The following NAV2 variants were observed in gnomAD, a reference collection of about 807,000 sequenced individuals.
NAV2 encodes neuron navigator 2.
NAV2 carries 54 observed loss-of-function variants against 223.2 expected under a neutral mutation model. That is an observed-to-expected ratio of 0.24 (90% CI 0.19 to 0.30). NAV2 has a LOEUF of 0.30. Among genes scored for constraint, NAV2 ranks in the 10% least tolerant of loss-of-function variants. The probability of loss-of-function intolerance (pLI) is 1.00; values close to 1 mark genes in which losing one functional copy is unlikely to be tolerated. For synonymous variants in NAV2, 1,279 were observed against 1,239.3 expected (o/e 1.03, Z -0.67); for missense variants, 2,806 against 3,147.5 (o/e 0.89, Z 2.60).
intron 8 of NAV2, 138 bp downstream of exon 8, chr11:19,939,911 C>CTT (rs11423145): frequency 0.041 from 14,751 of 357,488 alleles, 1 homozygote; most frequent in South Asian, 0.055. Context: ...AACTTTCTTT[C>CTT]TTTTTTTTTT....
chr11:19,601,172 T>A (rs1045676130), intron 1 of NAV2, among the ~76,000 whole-genome samples: 7 of 152,190 alleles, frequency 4.6e-5, no homozygotes, highest in Non-Finnish European at 1.5e-5. Flanking sequence ...GGCCCAGTGA[T>A]CCCTTCCTTC....
intron 1 of NAV2, among the ~76,000 whole-genome samples, chr11:19,395,609 C>T (rs868214338): frequency 3.9e-5 from 6 of 152,344 alleles, no homozygotes; most frequent in African/African-American, 1.2e-4. Context: ...GTCCTCAGGA[C>T]AGAGGAAGCC....
At chr11:19,584,524 A>G (rs1403899599) in intron 1 of NAV2, among the ~76,000 whole-genome samples, 4 of 152,216 alleles carry the variant, frequency 2.6e-5, no homozygotes, top group Non-Finnish European at 5.9e-5. Context: ...TTAGTGCTAT[A>G]AATTTCCCTC....
At position 20,048,602 on chromosome 11, in the gene NAV2, C is replaced by T. The variant is rs2057691766; in HGVS notation, c.3903-126C>T. 1.5e-5 allele frequency: 12 copies of T among 776,576 alleles called. No individual in the cohort carries two copies. In the South Asian group the frequency reaches 1.9e-4, roughly 13 times the overall value. 48.1% of individuals were successfully genotyped at this position (776,576 alleles called of 1,614,324 possible). The stretch of plus-strand genomic sequence containing the variant: ...TTCCCTGAAGTACCGTTAGCCATTT[C>T]AGTAGGAATGGCTGTGCTTCCTTCC... On this transcript the variant is annotated intron_variant, in intron 14 of 37. Transcript: ENST00000349880.
intron 1 of NAV2, among the ~76,000 whole-genome samples, chr11:19,826,901 C>T (rs930937935): frequency 6.6e-6 from 1 of 152,248 alleles, no homozygotes; most frequent in African/African-American, 2.4e-5. Flanking sequence ...ACTTACCAGC[C>T]TCCTGCGGTG....
intron 3 of NAV2, among the ~76,000 whole-genome samples, chr11:19,848,606 G>A (rs188564844): frequency 1.1e-3 from 166 of 152,282 alleles, no homozygotes; most frequent in Middle Eastern, 3.4e-3. Context: ...TATAACAGAG[G>A]TAGTAACAGT....
At chr11:19,490,994 T>C (rs1253662636) in intron 1 of NAV2, among the ~76,000 whole-genome samples, 1 of 152,160 alleles carries the variant, frequency 6.6e-6, no homozygotes, top group Non-Finnish European at 1.5e-5. Context: ...CCAGGTGCAT[T>C]GTCAATGAGC....
rs78898711 is a variant in NAV2, at chr11:19,644,410, A to G, written c.76-188074A>G. Among the ~76,000 whole-genome samples the G allele has an allele frequency of 6.5e-3, 984 of 152,292 alleles. 6 individuals are homozygous for G. The highest frequency in any genetic ancestry group is 0.017 in the African/African-American group (710 of 41,558). Reference sequence around the variant, plus strand: ...GTTGCTGCGAGAAGCCTTTGTTCCTATGGTGGCCCCAGGCCGGTGGATATG... The same window carrying G: ...GTTGCTGCGAGAAGCCTTTGTTCCTGTGGTGGCCCCAGGCCGGTGGATATG... On this transcript the variant is annotated intron_variant, in intron 1 of 37. Transcript: ENST00000360655.
intron 1 of NAV2, among the ~76,000 whole-genome samples, chr11:19,620,388 G>A (rs4757825): frequency 1 from 152,006 of 152,330 alleles, 75,842 homozygotes; most frequent in Middle Eastern, 1. Flanking sequence ...CTTCCTATCC[G>A]TGAGCATGGA....
chr11:19,989,529 A>G (rs1765343790), intron 11 of NAV2, among the ~76,000 whole-genome samples: 2 of 152,202 alleles, frequency 1.3e-5, no homozygotes, highest in African/African-American at 4.8e-5. Context: ...GTTTTTAGCT[A>G]CTAAGTTTAT....
Position 19,777,539 on chromosome 11 carries a change from C to T in NAV2, c.268-54945C>T, listed in dbSNP as rs1461731259. On this transcript the variant is annotated intron_variant, in intron 1 of 37. Coordinates refer to ENST00000349880, the MANE Select transcript of NAV2 (RefSeq NM_145117.5). ...GCTGGTAAGGGTGGATTGCAGACCG[C>T]ACCCCCTGGGCGCTGCTCTACTTTT... The T allele has an allele frequency of 4.4e-5, 20 of 455,462 alleles. No individual in the cohort carries two copies. In the East Asian group the frequency reaches 1.4e-3, roughly 32 times the overall value. The allele number at this position is 455,462 out of a possible 1,614,324, so 28.2% of individuals were successfully genotyped here.
At chr11:20,093,378 G>A (rs996888943) in intron 29 of NAV2, among the ~76,000 whole-genome samples, 179 bp downstream of exon 29, 12 of 152,210 alleles carry the variant, frequency 7.9e-5, no homozygotes, top group East Asian at 7.7e-4. Flanking sequence ...TAAAGTGTGC[G>A]AACGGCATTT....
At chr11:19,763,752 A>G (rs1764165435) in intron 1 of NAV2, among the ~76,000 whole-genome samples, 1 of 152,054 alleles carries the variant, frequency 6.6e-6, no homozygotes, top group African/African-American at 2.4e-5. Flanking sequence ...ATATCACTGA[A>G]GTGGAAAAAG....
intron 7 of NAV2, among the ~76,000 whole-genome samples, chr11:19,938,759 C>A (rs558983245): frequency 6.6e-6 from 1 of 152,210 alleles, no homozygotes; most frequent in African/African-American, 2.4e-5. Context: ...GTAAAGATAA[C>A]AGAATTGAGA....
At chr11:19,757,677 C>T (rs565162001) in intron 1 of NAV2, among the ~76,000 whole-genome samples, 1 of 152,082 alleles carries the variant, frequency 6.6e-6, no homozygotes, top group South Asian at 2.1e-4. Context: ...CATGAATAGC[C>T]CTGTATCTGG....
chr11:19,894,966 T>C lies in NAV2; in HGVS notation c.931+2372T>C, dbSNP rs71488721. 1.0e-3 allele frequency among the ~76,000 whole-genome samples: 151 copies of C among 151,634 alleles called. 1 individual carries two copies. The highest frequency in any genetic ancestry group is 3.5e-3 in the African/African-American group (145 of 41,474). ...GCTGGTCTCGAACTCCCAACCTCAG[T>C]TGATCCGCCCGCCTCTGCCTCCCAA... On this transcript the variant is annotated intron_variant, in intron 6 of 37. Transcript: ENST00000349880.
chr11:19,801,137 A>G (rs2058225472), intron 1 of NAV2, among the ~76,000 whole-genome samples: 1 of 152,198 alleles, frequency 6.6e-6, no homozygotes, highest in East Asian at 1.9e-4. Flanking sequence ...CACCTTTGAA[A>G]TGAGTCAGCT....
At position 19,476,528 on chromosome 11, in the gene NAV2, T is replaced by C. The variant is rs201284291; in HGVS notation, c.75+125501T>C. Among the ~76,000 whole-genome samples the C allele has an allele frequency of 2.4e-4, 36 of 152,274 alleles. No homozygotes were observed. The East Asian group carries it at 6.8e-3, about 29-fold the overall frequency. On this transcript the variant is annotated intron_variant, in intron 1 of 37. Transcript: ENST00000360655. ...GCCATTCCTGCACTCTCTTCCACTT[T>C]GATGCCACTACCCTCACATGTAAAA...
At chr11:19,907,808 T>G (rs2153212737) in intron 6 of NAV2, among the ~76,000 whole-genome samples, 2 of 152,320 alleles carry the variant, frequency 1.3e-5, no homozygotes. Flanking sequence ...TATTTTTCCT[T>G]TTGTTTTTTA....
Sources: allele counts gnomAD v4.1 joint callset (sites outside exome capture counted in the v4.1 genomes callset), GRCh38; gene constraint gnomAD v4.1.1; transcripts MANE v1.5; gene names NCBI Gene and HGNC (gene_info 2026-07-23, HGNC 2026-07-21).